GPR39: variants seen among roughly 807,000 people sequenced by gnomAD.
GPR39 encodes the protein G protein-coupled receptor 39.
GPR39 carries 23 observed loss-of-function variants against 18.4 expected under a neutral mutation model. That is an observed-to-expected ratio of 1.25 (90% CI 0.90 to 1.77). The LOEUF is 1.77. Among genes scored for constraint, GPR39 ranks in the 40% most tolerant of loss-of-function variants. The pLI, the probability that GPR39 is intolerant of heterozygous loss-of-function variation, is 0.00. For synonymous variants in GPR39, 280 were observed against 257.9 expected (o/e 1.09, Z -0.82); for missense variants, 647 against 602.4 (o/e 1.07, Z -0.78).
intron 1 of GPR39, among the ~76,000 whole-genome samples, chr2:132,634,104 G>T (rs1681705058): frequency 6.6e-6 from 1 of 151,924 alleles, no homozygotes. Context: ...GATGGAGGGT[G>T]ATGATGATGG....
intron 1 of GPR39, among the ~76,000 whole-genome samples, chr2:132,594,651 A>G (rs1326525466): frequency 6.6e-6 from 1 of 152,066 alleles, no homozygotes; most frequent in African/African-American, 2.4e-5. Context: ...GATCCTGAGT[A>G]ATCTGTTTAA....
chr2:132,587,137 G>A (rs566432001), intron 1 of GPR39, among the ~76,000 whole-genome samples: 5 of 152,318 alleles, frequency 3.3e-5, no homozygotes, highest in East Asian at 3.9e-4. Context: ...AGATTAGGAC[G>A]GTCCGGGATG....
At chr2:132,634,055 G>T (rs562840230) in intron 1 of GPR39, among the ~76,000 whole-genome samples, 3 of 152,074 alleles carry the variant, frequency 2.0e-5, no homozygotes, top group East Asian at 1.9e-4. Context: ...TGATGATGGT[G>T]GGGGTGGCAG....
chr2:132,486,844 C>G (rs371867217), intron 1 of GPR39, among the ~76,000 whole-genome samples: 1 of 152,204 alleles, frequency 6.6e-6, no homozygotes, highest in East Asian at 1.9e-4. Context: ...TTTTAATTTT[C>G]TTCAAGAACG....
At chr2:132,540,989 C>T (rs777156779) in intron 1 of GPR39, among the ~76,000 whole-genome samples, 29 of 152,228 alleles carry the variant, frequency 1.9e-4, no homozygotes, top group Admixed American at 5.2e-4. Flanking sequence ...TGTGGTGGCC[C>T]TCTTGCCCCA....
chr2:132,421,125 C>A (rs1387644154), intron 1 of GPR39, among the ~76,000 whole-genome samples: 1 of 152,174 alleles, frequency 6.6e-6, no homozygotes, highest in Non-Finnish European at 1.5e-5. Context: ...TCTGTCCTGT[C>A]CCTTCAATGA....
chr2:132,552,116 T>G (rs1448079643), intron 1 of GPR39, among the ~76,000 whole-genome samples: 1 of 152,234 alleles, frequency 6.6e-6, no homozygotes, highest in African/African-American at 2.4e-5. Context: ...TACAGACTTT[T>G]CTGGCTATTA....
At chr2:132,487,492 A>G (rs1327199240) in intron 1 of GPR39, among the ~76,000 whole-genome samples, 2 of 152,230 alleles carry the variant, frequency 1.3e-5, no homozygotes, top group Admixed American at 1.3e-4. Flanking sequence ...CAGTATTAAT[A>G]GACACAGATT....
intron 1 of GPR39, among the ~76,000 whole-genome samples, chr2:132,469,195 C>A (rs1240452284): frequency 5.3e-5 from 8 of 152,276 alleles, no homozygotes; most frequent in Middle Eastern, 6.8e-3. Flanking sequence ...CAGTTCCATC[C>A]CCCTGTAGGC....
At chr2:132,544,336 C>G (rs866352983) in intron 1 of GPR39, among the ~76,000 whole-genome samples, 1 of 152,186 alleles carries the variant, frequency 6.6e-6, no homozygotes, top group Non-Finnish European at 1.5e-5. Context: ...GGAGGCCAGG[C>G]AGGCCATCTT....
intron 1 of GPR39, among the ~76,000 whole-genome samples, chr2:132,422,283 T>A (rs1291671884): frequency 1.3e-5 from 2 of 152,236 alleles, no homozygotes; most frequent in African/African-American, 4.8e-5. Flanking sequence ...TCTTTGCTTG[T>A]CAGTGGCGTG....
chr2:132,543,906 G>C (rs1679899724), intron 1 of GPR39, among the ~76,000 whole-genome samples: 1 of 152,182 alleles, frequency 6.6e-6, no homozygotes, highest in Non-Finnish European at 1.5e-5. Flanking sequence ...TTTCAAGGCA[G>C]GGGTACATTT....
chr2:132,468,191 A>G (rs1157057499), intron 1 of GPR39, among the ~76,000 whole-genome samples: 4 of 152,234 alleles, frequency 2.6e-5, no homozygotes, highest in African/African-American at 9.7e-5. Context: ...AACATATTTC[A>G]AGTACCTGTG....
At chr2:132,492,191 C>T (rs533596851) in intron 1 of GPR39, among the ~76,000 whole-genome samples, 50 of 144,652 alleles carry the variant, frequency 3.5e-4, no homozygotes, top group South Asian at 4.4e-4. Flanking sequence ...CATATATATA[C>T]ATACCATATA....
At chr2:132,479,384 T>C (rs1026979105) in intron 1 of GPR39, among the ~76,000 whole-genome samples, 2 of 152,118 alleles carry the variant, frequency 1.3e-5, no homozygotes, top group African/African-American at 4.8e-5. Flanking sequence ...GAGGTGGTAT[T>C]TGAGCTGTAA....
intron 1 of GPR39, among the ~76,000 whole-genome samples, chr2:132,539,311 C>T (rs554511724): frequency 2.6e-5 from 4 of 152,144 alleles, no homozygotes; most frequent in Non-Finnish European, 5.9e-5. Flanking sequence ...TCACCGGGCT[C>T]CTTGCACTTC....
At chr2:132,448,570 G>A (rs749940494) in intron 1 of GPR39, among the ~76,000 whole-genome samples, 1 of 152,176 alleles carries the variant, frequency 6.6e-6, no homozygotes, top group Non-Finnish European at 1.5e-5. Context: ...AGCTGATGCC[G>A]AGTGCTGCCT....
chr2:132,528,069 C>T (rs922672234), intron 1 of GPR39, among the ~76,000 whole-genome samples: 4 of 152,118 alleles, frequency 2.6e-5, no homozygotes, highest in African/African-American at 9.7e-5. Context: ...TTGGGTTTTA[C>T]ATTTAAGTCT....
chr2:132,582,572 A>G (rs1204444827), intron 1 of GPR39, among the ~76,000 whole-genome samples: 1 of 152,186 alleles, frequency 6.6e-6, no homozygotes, highest in Non-Finnish European at 1.5e-5. Context: ...ACAGAGCCAC[A>G]GAGCCCAGGG....
Sources: allele counts gnomAD v4.1 joint callset (sites outside exome capture counted in the v4.1 genomes callset), GRCh38; gene constraint gnomAD v4.1.1; transcripts MANE v1.5; gene names NCBI Gene and HGNC (gene_info 2026-07-23, HGNC 2026-07-21).